FAM221A: variants seen among roughly 807,000 people sequenced by gnomAD.
FAM221A encodes family with sequence similarity 221 member A.
A neutral mutation model predicts 37.6 loss-of-function variants in FAM221A; 43 were observed. The observed-to-expected ratio is 1.15, with a 90% CI of 0.90 to 1.48. FAM221A has a LOEUF of 1.48. Among genes scored for constraint, FAM221A ranks in the 40% most tolerant of loss-of-function variants. FAM221A has a pLI of 0.00. For synonymous variants in FAM221A, 135 were observed against 132.9 expected, an observed-to-expected ratio of 1.02 and a Z score of -0.11; for missense variants, 361 against 361.5, an observed-to-expected ratio of 1.00 and a Z score of 0.01.
At chr7:23,697,818 C>CAT (rs1785153481) in intron 4 of FAM221A, among the ~76,000 whole-genome samples, 3 of 152,154 alleles carry the variant, frequency 2.0e-5, no homozygotes. Flanking sequence ...GTGATGTGAT[C>CAT]ATAGCTCACT....
intron 4 of FAM221A, among the ~76,000 whole-genome samples, chr7:23,696,189 A>G (rs1311791836): frequency 6.6e-6 from 1 of 152,242 alleles, no homozygotes; most frequent in African/African-American, 2.4e-5. Flanking sequence ...GCTGTAGACA[A>G]TTGTAACACA....
intron 4 of FAM221A, chr7:23,692,721 C>T: frequency 1.0e-6 from 1 of 982,672 alleles, no homozygotes; most frequent in Non-Finnish European, 1.2e-6. Context: ...GTGCAAAACA[C>T]CCTTGAATAC....
intron 2 of FAM221A, chr7:23,686,380 C>T: frequency 5.9e-6 from 2 of 341,824 alleles, no homozygotes; most frequent in South Asian, 4.3e-5. Flanking sequence ...CCTTCGACCT[C>T]AGCCTCCCAA....
chr7:23,683,922 TG>T (rs1330130490), intron 1 of FAM221A, among the ~76,000 whole-genome samples: 1 of 152,232 alleles, frequency 6.6e-6, no homozygotes, highest in Non-Finnish European at 1.5e-5. Flanking sequence ...TATATGTTTA[TG>T]TGTAAGTGTG....
At chr7:23,683,115 A>G (rs1784158988) in intron 1 of FAM221A, among the ~76,000 whole-genome samples, 1 of 152,226 alleles carries the variant, frequency 6.6e-6, no homozygotes. Flanking sequence ...TATTGCACAA[A>G]AAAGTATGTA....
In FAM221A at chr7:23,698,220, T is replaced by TC; in HGVS notation, c.669dup (p.Ile224HisfsTer17). 6.3e-7 allele frequency: 1 copy of TC among 1,593,396 alleles called. No individual in the cohort carries two copies. Among genetic ancestry groups the TC allele is most frequent in the Middle Eastern group, 1.7e-4 (1 of 6,024 alleles). ...TACCTTCAGTTGAATTTTTAGAATCTCCCATTACGGCAGTAGACAGCCCAT... is the reference window on the plus strand; with the variant it reads ...TACCTTCAGTTGAATTTTTAGAATCTCCCCATTACGGCAGTAGACAGCCCAT... On this transcript the variant is annotated frameshift_variant, in exon 5 of 7. Transcript: ENST00000344962. LOFTEE classifies it high-confidence loss of function.
At chr7:23,700,349 T>C (rs1180024632) in intron 5 of FAM221A, among the ~76,000 whole-genome samples, 1 of 152,228 alleles carries the variant, frequency 6.6e-6, no homozygotes, top group Non-Finnish European at 1.5e-5. Flanking sequence ...GACAAAGTGA[T>C]TACCGTAAAA....
rs751870008 is a variant in FAM221A at position 23,689,436 on chromosome 7, C to T, written c.407C>T (p.Ala136Val). The change falls in exon 3 of 7, where the codon GCG becomes GTG. Residue 136 changes from alanine (A) to valine (V), a missense_variant. Coordinates refer to ENST00000344962, the MANE Select transcript of FAM221A (RefSeq NM_199136.5). ...CACTTTGCTGATCAGCACAGTGCTG[C>T]GCCTGGCTTTACATGCAATACATGT... ...CKHFADQHSAAPGFTCNTCSK... is the reference protein window; with the variant it reads ...CKHFADQHSAVPGFTCNTCSK... The T allele has an allele frequency of 1.9e-6, 3 of 1,570,562 alleles. No homozygotes were observed. The highest frequency in any genetic ancestry group is 2.3e-5 in the East Asian group (1 of 43,956).
chr7:23,680,341 G>C (rs1443365565), intron 1 of FAM221A, 58 bp downstream of exon 1: 1 of 1,419,398 alleles, frequency 7.0e-7, no homozygotes, highest in South Asian at 1.3e-5. Flanking sequence ...GGATCCCTGG[G>C]CTGGGGGCGC....
At chr7:23,681,473 G>T (rs1165513699) in intron 1 of FAM221A, among the ~76,000 whole-genome samples, 3 of 152,220 alleles carry the variant, frequency 2.0e-5, no homozygotes, top group Non-Finnish European at 2.9e-5. Context: ...AGGCTGGAGT[G>T]CAGTGGCGCG....
Position 23,702,223 on chromosome 7 carries a change from T to A in FAM221A, c.*59T>A. The A allele has an allele frequency of 9.4e-7, 1 of 1,062,206 alleles. No homozygotes were observed. The highest frequency in any genetic ancestry group is 1.3e-6 in the Non-Finnish European group (1 of 748,836). The allele number at this position is 1,062,206 out of a possible 1,614,324, so 65.8% of individuals were successfully genotyped here. A position where few individuals can be genotyped will look rare whatever the true frequency, so the allele number is the denominator to read the frequency against. On this transcript the variant is annotated 3_prime_UTR_variant, in exon 7 of 7. Transcript: ENST00000344962. ...TATCTTTTTCATGTTTATTTAAATG[T>A]AATAATACAGTTTATTTTTCCTGAA...
At chr7:23,685,471 G>A (rs1784315346) in intron 2 of FAM221A, among the ~76,000 whole-genome samples, 1 of 152,152 alleles carries the variant, frequency 6.6e-6, no homozygotes. Flanking sequence ...GTTTGACTGG[G>A]GAGCAGTCTA....
chr7:23,693,365 A>C (rs903231164), intron 4 of FAM221A: 8 of 151,702 alleles, frequency 5.3e-5, no homozygotes, highest in African/African-American at 1.9e-4. Flanking sequence ...TAAAATTGTT[A>C]TTGTTGTTTC....
At position 23,702,391 on chromosome 7, in the gene FAM221A, G is replaced by T; in HGVS notation, c.*227G>T. Reference sequence around the variant, plus strand: ...TACCTTTCTTTCTCCTGACAAATGAGGTTATTTTATATGAGTCTGTCTGAG... The same window carrying T: ...TACCTTTCTTTCTCCTGACAAATGATGTTATTTTATATGAGTCTGTCTGAG... On this transcript the variant is annotated 3_prime_UTR_variant, in exon 7 of 7. Coordinates refer to ENST00000344962, the MANE Select transcript of FAM221A (RefSeq NM_199136.5). 1 of 290,592 alleles carries T rather than the reference G, an allele frequency of 3.4e-6. No individual in the cohort carries two copies. The highest frequency in any genetic ancestry group is 1.1e-4 in the South Asian group (1 of 8,766). 18.0% of individuals were successfully genotyped at this position (290,592 alleles called of 1,614,324 possible). A position where few individuals can be genotyped will look rare whatever the true frequency, so the allele number is the denominator to read the frequency against.
chr7:23,689,407 CA>C lies in FAM221A; in HGVS notation c.381del (p.Lys127AsnfsTer42), dbSNP rs1352126818. On this transcript the variant is annotated frameshift_variant, in exon 3 of 7. Coordinates refer to ENST00000344962, the MANE Select transcript of FAM221A (RefSeq NM_199136.5). LOFTEE classifies it high-confidence loss of function. The stretch of plus-strand genomic sequence containing the variant: ...GTAGCCAGCCCATTCGCTGCAGGTG[CA>C]AACACTTTGCTGATCAGCACAGTGC... ...NGSQPIRCRCKHFADQHSAAP... is the reference protein window; with the variant it reads ...NGSQPIRCRCXHFADQHSAAP... 1.2e-6 allele frequency: 2 copies of C among 1,606,164 alleles called. No individual in the cohort carries two copies. Among genetic ancestry groups the C allele is most frequent in the Admixed American group, 1.7e-5 (1 of 59,936 alleles).
Position 23,702,069 on chromosome 7 carries a change from A to T in FAM221A, c.829-27A>T, listed in dbSNP as rs368308828. ...TCTTTAGAATGGTTTACAAGTTATT[A>T]TATCAATAAATATGTTAAATTTACA... On this transcript the variant is annotated intron_variant, in intron 6 of 6. Transcript: ENST00000344962. The T allele has an allele frequency of 2.7e-6, 4 of 1,490,156 alleles. No individual in the cohort carries two copies. The Admixed American group carries it at 5.9e-5, about 22-fold the overall frequency. 92.3% of individuals were successfully genotyped at this position (1,490,156 alleles called of 1,614,324 possible). A position where few individuals can be genotyped will look rare whatever the true frequency, so the allele number is the denominator to read the frequency against.
At chr7:23,682,079 A>T (rs573790247) in intron 1 of FAM221A, among the ~76,000 whole-genome samples, 1 of 150,806 alleles carries the variant, frequency 6.6e-6, no homozygotes, top group South Asian at 2.1e-4. Flanking sequence ...TATTATTATT[A>T]TTATTATTTA....
At chr7:23,683,620 A>T (rs1357235493) in intron 1 of FAM221A, among the ~76,000 whole-genome samples, 1 of 152,208 alleles carries the variant, frequency 6.6e-6, no homozygotes, top group Non-Finnish European at 1.5e-5. Context: ...TCTGTTGATA[A>T]ACCTGGATCA....
At chr7:23,696,077 C>G (rs949795180) in intron 4 of FAM221A, among the ~76,000 whole-genome samples, 2 of 152,168 alleles carry the variant, frequency 1.3e-5, no homozygotes, top group African/African-American at 4.8e-5. Context: ...ATAGAGTGTA[C>G]TTACATAAAC....
Sources: gnomAD v4.1 joint callset for allele counts (sites outside exome capture counted in the v4.1 genomes callset) on GRCh38, gnomAD v4.1.1 for gene constraint, MANE v1.5 for transcripts, NCBI Gene and HGNC (gene_info 2026-07-23, HGNC 2026-07-21) for gene names.